PDE1A: variants seen among roughly 807,000 people sequenced by gnomAD.
PDE1A encodes phosphodiesterase 1A.
PDE1A carries 35 observed loss-of-function variants against 61.7 expected under a neutral mutation model. The observed-to-expected ratio is 0.57, with a 90% CI of 0.43 to 0.75. The LOEUF (loss-of-function observed/expected upper bound fraction) is 0.75. PDE1A is among the 30% of genes least tolerant of loss of function. The pLI is 0.00. For synonymous variants in PDE1A, 232 were observed against 213.2 expected (o/e 1.09, Z -0.77); for missense variants, 597 against 630.6 (o/e 0.95, Z 0.57).
chr2:182,288,474 T>C (rs1694312331), intron 1 of PDE1A, among the ~76,000 whole-genome samples: 1 of 152,232 alleles, frequency 6.6e-6, no homozygotes, highest in East Asian at 1.9e-4. Flanking sequence ...ACTTTTAAGT[T>C]CAGTCTGTAA....
chr2:182,480,557 T>A (rs1476432688), intron 2 of PDE1A, among the ~76,000 whole-genome samples: 1 of 151,966 alleles, frequency 6.6e-6, no homozygotes, highest in Non-Finnish European at 1.5e-5. Flanking sequence ...AAATTTTAAT[T>A]TTCCACCTGT....
At chr2:182,349,748 G>C (rs1157550707) in intron 1 of PDE1A, among the ~76,000 whole-genome samples, 1 of 152,046 alleles carries the variant, frequency 6.6e-6, no homozygotes, top group African/African-American at 2.4e-5. Flanking sequence ...AGCAGAGTGA[G>C]ACTCCATCTC....
In PDE1A at chr2:182,220,185, G is replaced by C. The variant is rs188029478; in HGVS notation, c.776+3679C>G. On this transcript the variant is annotated intron_variant, in intron 7 of 13. Coordinates refer to ENST00000351439, the Ensembl canonical transcript of PDE1A. ...AGTTAAGGCCTAAAAAGGATTTAAT[G>C]AATAATCATACCTCAATATACAGAA... Among the ~76,000 whole-genome samples the C allele has an allele frequency of 3.4e-3, 516 of 152,028 alleles. 2 individuals are homozygous for C. Among genetic ancestry groups the C allele is most frequent in the African/African-American group, 0.012 (502 of 41,478 alleles).
intron 1 of PDE1A, among the ~76,000 whole-genome samples, chr2:182,411,171 G>C (rs1176120569): frequency 6.6e-6 from 1 of 152,130 alleles, no homozygotes; most frequent in East Asian, 1.9e-4. Flanking sequence ...TCCTACATTA[G>C]TGTTGCATAC....
At chr2:182,321,477 G>A (rs1406091893) in intron 1 of PDE1A, among the ~76,000 whole-genome samples, 2 of 151,986 alleles carry the variant, frequency 1.3e-5, no homozygotes, top group Admixed American at 1.3e-4. Context: ...TGAAGTATCA[G>A]GCACTGTTAA....
chr2:182,318,872 C>A (rs1429281649), intron 1 of PDE1A, among the ~76,000 whole-genome samples: 4 of 152,100 alleles, frequency 2.6e-5, no homozygotes, highest in Non-Finnish European at 4.4e-5. Context: ...AGACTTTGTT[C>A]AGCCCACATT....
the PDE1A span, among the ~76,000 whole-genome samples, chr2:182,701,268 C>T: frequency 6.6e-6 from 1 of 152,084 alleles, no homozygotes; most frequent in African/African-American, 2.4e-5. Context: ...ATCTCCTGAC[C>T]TCGTGATCCG....
At chr2:182,395,033 T>A (rs1701624568) in intron 1 of PDE1A, among the ~76,000 whole-genome samples, 1 of 152,136 alleles carries the variant, frequency 6.6e-6, no homozygotes, top group Admixed American at 6.5e-5. Context: ...TGGGTTATCA[T>A]GAGCTTAACC....
intron 2 of PDE1A, among the ~76,000 whole-genome samples, chr2:182,501,287 CCAT>C (rs1559519315): frequency 6.6e-6 from 1 of 152,080 alleles, no homozygotes; most frequent in South Asian, 2.1e-4. Flanking sequence ...CCATCCACCA[CCAT>C]CAACACCACA....
chr2:182,169,332 A>G (rs1338648519), intron 13 of PDE1A, among the ~76,000 whole-genome samples: 2 of 152,130 alleles, frequency 1.3e-5, no homozygotes, highest in Non-Finnish European at 2.9e-5. Flanking sequence ...AAGTTATACC[A>G]TAAGAATTAG....
At chr2:182,143,942 G>T (rs1205478541), downstream of PDE1A, among the ~76,000 whole-genome samples, 1 of 152,148 alleles carries the variant, frequency 6.6e-6, no homozygotes, top group East Asian at 1.9e-4. Flanking sequence ...TAAAAACTCT[G>T]GTTCTCTAGA....
the PDE1A span, among the ~76,000 whole-genome samples, chr2:182,707,511 A>G: frequency 6.6e-6 from 1 of 152,198 alleles, no homozygotes; most frequent in Non-Finnish European, 1.5e-5. Flanking sequence ...GAACAATTTT[A>G]TAGTAATAAA....
chr2:182,153,378 T>C (rs2125278699), intron 13 of PDE1A, among the ~76,000 whole-genome samples: 1 of 151,834 alleles, frequency 6.6e-6, no homozygotes, highest in Non-Finnish European at 1.5e-5. Context: ...AGGCAGAGGG[T>C]TGAAAAGAAA....
intron 1 of PDE1A, among the ~76,000 whole-genome samples, chr2:182,308,471 A>G (rs1289509489): frequency 6.6e-6 from 1 of 152,098 alleles, no homozygotes; most frequent in African/African-American, 2.4e-5. Flanking sequence ...TTATAAAGCA[A>G]ATCTTGGTAT....
At chr2:182,711,674 G>A in the PDE1A span, among the ~76,000 whole-genome samples, 173 of 152,296 alleles carry the variant, frequency 1.1e-3, no homozygotes, top group African/African-American at 3.7e-3. Flanking sequence ...AGTCCTGGAT[G>A]AGCCTCGAAC....
At chr2:182,140,852 G>T (rs1475044052) in exon 15 of PDE1A, 1 of 131,170 alleles carries the variant, frequency 7.6e-6, no homozygotes, top group Non-Finnish European at 1.6e-5. Flanking sequence ...AAGCTTAAAA[G>T]AAAAAGAAAG....
intron 1 of PDE1A, among the ~76,000 whole-genome samples, chr2:182,404,000 A>G (rs1464398523): frequency 6.6e-6 from 1 of 152,114 alleles, no homozygotes; most frequent in African/African-American, 2.4e-5. Context: ...AAAATAAAAT[A>G]AAAGGTCAGT....
the PDE1A span, among the ~76,000 whole-genome samples, chr2:182,659,753 G>A: frequency 6.6e-6 from 1 of 152,178 alleles, no homozygotes; most frequent in Non-Finnish European, 1.5e-5. Flanking sequence ...TAAGCATTAT[G>A]AGATACTTAT....
the PDE1A span, among the ~76,000 whole-genome samples, chr2:182,582,741 C>G: frequency 6.6e-6 from 1 of 152,038 alleles, no homozygotes; most frequent in Non-Finnish European, 1.5e-5. Context: ...AGGGATAGAC[C>G]CAGTTATAAG....
Sources: allele counts gnomAD v4.1 joint callset (sites outside exome capture counted in the v4.1 genomes callset), GRCh38; gene constraint gnomAD v4.1.1; transcripts MANE v1.5; gene names NCBI Gene and HGNC (gene_info 2026-07-23, HGNC 2026-07-21).